Variants in ZMAT4 observed in about 807,000 individuals in gnomAD.
The protein encoded by ZMAT4 is zinc finger matrin-type protein 4.
ZMAT4 carries 17 observed loss-of-function variants against 28.7 expected under a neutral mutation model. The ratio of observed to expected loss-of-function variants is 0.59; its 90% CI spans 0.41 to 0.89. ZMAT4 has a LOEUF of 0.89. ZMAT4 is among the 40% of genes least tolerant of loss of function. The probability of loss-of-function intolerance (pLI) is 0.00; values close to 1 mark genes in which losing one functional copy is unlikely to be tolerated. For synonymous variants in ZMAT4, 117 were observed against 109.2 expected (o/e 1.07, Z -0.44); for missense variants, 240 against 283.8 (o/e 0.85, Z 1.11).
intron 2 of ZMAT4, among the ~76,000 whole-genome samples, chr8:40,793,804 C>A (rs558584283): frequency 1.6e-3 from 238 of 152,290 alleles, no homozygotes; most frequent in Non-Finnish European, 2.9e-3. Flanking sequence ...TAATTACAAT[C>A]CATCTGAATT....
chr8:40,806,706 TACATCC>T (rs1815096872), intron 2 of ZMAT4, among the ~76,000 whole-genome samples: 2 of 152,170 alleles, frequency 1.3e-5, no homozygotes. Context: ...TATTGCTACA[TACATCC>T]TTCTCATTTG....
intron 1 of ZMAT4, among the ~76,000 whole-genome samples, chr8:40,845,729 C>A (rs913564406): frequency 1.4e-5 from 2 of 145,858 alleles, no homozygotes; most frequent in Non-Finnish European, 3.0e-5. Context: ...TTTTTAGAAG[C>A]CTGCTATGAA....
At chr8:40,746,302 CTTCCTTTCCTTTCCTTTCCT>C (rs545809333) in intron 3 of ZMAT4, among the ~76,000 whole-genome samples, 1 of 70,486 alleles carries the variant, frequency 1.4e-5, no homozygotes, top group African/African-American at 5.4e-5. Context: ...TTCTTTCTCC[CTTCCTTTCCTTTCCTTTCCT>C]TTCCTTTCCT....
intron 5 of ZMAT4, among the ~76,000 whole-genome samples, chr8:40,662,169 T>A (rs1294272454): frequency 6.6e-6 from 1 of 151,848 alleles, no homozygotes; most frequent in African/African-American, 2.4e-5. Flanking sequence ...TTTATAGAGA[T>A]GGGGCTTTAC....
chr8:40,792,043 G>A (rs1211534681), intron 2 of ZMAT4, among the ~76,000 whole-genome samples: 1 of 152,208 alleles, frequency 6.6e-6, no homozygotes. Context: ...ACTAGCTATG[G>A]GGTTGAAACT....
chr8:40,579,075 T>A (rs1253773890), intron 6 of ZMAT4, among the ~76,000 whole-genome samples: 1 of 152,164 alleles, frequency 6.6e-6, no homozygotes, highest in Non-Finnish European at 1.5e-5. Flanking sequence ...AATATTTATC[T>A]CAAGGGTAGT....
chr8:40,858,941 C>G (rs1817394917), intron 1 of ZMAT4, among the ~76,000 whole-genome samples: 1 of 152,206 alleles, frequency 6.6e-6, no homozygotes, highest in African/African-American at 2.4e-5. Context: ...TGAAGCATGT[C>G]CTGTCATCCT....
chr8:40,827,539 C>T lies in ZMAT4; in HGVS notation c.-4-1859G>A, dbSNP rs80309384. Among the ~76,000 whole-genome samples the T allele has an allele frequency of 3.5e-3, 535 of 152,312 alleles. 10 individuals carry two copies. The East Asian group carries it at 0.047, about 13-fold the overall frequency. On this transcript the variant is annotated intron_variant, in intron 1 of 6. Coordinates refer to ENST00000297737, the MANE Select transcript of ZMAT4 (RefSeq NM_024645.3). ...GTCTGCCTCAAGTACTCCAATCTCA[C>T]GTTCTGTCCTTGGCCCTGGCTCTAG... is the stretch of plus-strand genomic sequence containing the variant.
At chr8:40,760,395 G>T (rs959181026) in intron 3 of ZMAT4, among the ~76,000 whole-genome samples, 6 of 152,088 alleles carry the variant, frequency 3.9e-5, no homozygotes, top group Non-Finnish European at 8.8e-5. Flanking sequence ...CCTGCCCTCA[G>T]GAACCGAGCC....
chr8:40,814,806 T>G (rs1258328627), intron 2 of ZMAT4, among the ~76,000 whole-genome samples: 1 of 151,916 alleles, frequency 6.6e-6, no homozygotes, highest in South Asian at 2.1e-4. Context: ...TTTTCATAGT[T>G]TTTGAATTGT....
At chr8:40,777,335 G>T (rs1813641187) in intron 2 of ZMAT4, among the ~76,000 whole-genome samples, 1 of 152,224 alleles carries the variant, frequency 6.6e-6, no homozygotes, top group Admixed American at 6.5e-5. Flanking sequence ...CATTTTGTCT[G>T]CAGAAGGCCT....
intron 1 of ZMAT4, among the ~76,000 whole-genome samples, chr8:40,829,238 C>T (rs945613007): frequency 6.6e-6 from 1 of 152,228 alleles, no homozygotes; most frequent in Non-Finnish European, 1.5e-5. Flanking sequence ...ACCATCTGTA[C>T]TCCCAGGCCC....
intron 5 of ZMAT4, among the ~76,000 whole-genome samples, chr8:40,654,889 A>G (rs1465858369): frequency 2.0e-5 from 3 of 152,166 alleles, no homozygotes; most frequent in African/African-American, 7.2e-5. Flanking sequence ...ATCAGAAATA[A>G]GACAAGTATG....
At chr8:40,861,961 T>C (rs10808946) in intron 1 of ZMAT4, among the ~76,000 whole-genome samples, 118,088 of 151,928 alleles carry the variant, frequency 0.78, 46,016 homozygotes, top group Admixed American at 0.82. Context: ...AACACTTTTA[T>C]ACTGTTGGTG....
chr8:40,829,192 T>A (rs1221931232), intron 1 of ZMAT4, among the ~76,000 whole-genome samples: 1 of 152,192 alleles, frequency 6.6e-6, no homozygotes, highest in Non-Finnish European at 1.5e-5. Flanking sequence ...GACAGGAATT[T>A]GATTTCCTGG....
rs1176591579 is a variant in ZMAT4 at position 40,897,735 on chromosome 8, G to A, written c.-57C>T. On this transcript the variant is annotated 5_prime_UTR_variant, in exon 1 of 7. Transcript: ENST00000297737. The stretch of plus-strand genomic sequence containing the variant: ...GTGCCCAGAGGCCAGCTGCCCTGCC[G>A]AGCAGTAGAGCGAAGCTGTGGGCTG... The A allele has an allele frequency of 6.6e-6, 1 of 152,246 alleles. No homozygotes were observed. Among genetic ancestry groups the A allele is most frequent in the Non-Finnish European group, 1.5e-5 (1 of 68,090 alleles). 9.4% of individuals were successfully genotyped at this position (152,246 alleles called of 1,614,324 possible).
chr8:40,730,948 G>A (rs1811510050), intron 3 of ZMAT4, among the ~76,000 whole-genome samples: 1 of 152,172 alleles, frequency 6.6e-6, no homozygotes, highest in South Asian at 2.1e-4. Flanking sequence ...CACAGTAGCA[G>A]CTACTCATCT....
At chr8:40,849,013 G>A (rs1817006109) in intron 1 of ZMAT4, among the ~76,000 whole-genome samples, 1 of 152,218 alleles carries the variant, frequency 6.6e-6, no homozygotes, top group Non-Finnish European at 1.5e-5. Flanking sequence ...CTGACAGATG[G>A]CGAGCCATGC....
At chr8:40,721,806 G>A (rs1482041295) in intron 3 of ZMAT4, among the ~76,000 whole-genome samples, 8 of 151,704 alleles carry the variant, frequency 5.3e-5, no homozygotes, top group South Asian at 2.1e-4. Flanking sequence ...CATGTCCTTC[G>A]CCCACTTTTT....
Sources: allele counts gnomAD v4.1 joint callset (sites outside exome capture counted in the v4.1 genomes callset), GRCh38; gene constraint gnomAD v4.1.1; transcripts MANE v1.5; gene names NCBI Gene and HGNC (gene_info 2026-07-23, HGNC 2026-07-21).